The following DPP10 variants were observed in gnomAD, a reference collection of about 807,000 sequenced individuals.
The protein encoded by DPP10 is inactive dipeptidyl peptidase 10.
A neutral mutation model predicts 120.9 loss-of-function variants in DPP10; 33 were observed. That is an observed-to-expected ratio of 0.27 (90% CI 0.21 to 0.37). The LOEUF (loss-of-function observed/expected upper bound fraction) is 0.37, where lower values mean the gene tolerates loss of function less well. Ranked by LOEUF, DPP10 falls within the 10% of genes least tolerant of loss-of-function variation. DPP10 has a pLI of 1.00. For synonymous variants in DPP10, 337 were observed against 326.1 expected, an observed-to-expected ratio of 1.03 and a Z score of -0.36; for missense variants, 816 against 942.8, an observed-to-expected ratio of 0.87 and a Z score of 1.76.
chr2:115,119,768 G>A (rs1236545274), intron 1 of DPP10, among the ~76,000 whole-genome samples: 1 of 152,140 alleles, frequency 6.6e-6, no homozygotes, highest in East Asian at 1.9e-4. Flanking sequence ...ATCCCTCATT[G>A]AGGATTATTT....
intron 3 of DPP10, among the ~76,000 whole-genome samples, chr2:115,464,116 G>T (rs150580445): frequency 6.6e-6 from 1 of 151,944 alleles, no homozygotes; most frequent in South Asian, 2.1e-4. Context: ...CCACTTTGCC[G>T]GTCCAACTCT....
chr2:115,682,307 TG>T (rs2090715674), intron 5 of DPP10, among the ~76,000 whole-genome samples: 1 of 151,932 alleles, frequency 6.6e-6, no homozygotes, highest in Non-Finnish European at 1.5e-5. Context: ...TGTTAATTAA[TG>T]AGGAGAGGTC....
chr2:115,144,670 T>C (rs1343016755), intron 1 of DPP10, among the ~76,000 whole-genome samples: 1 of 61,466 alleles, frequency 1.6e-5, no homozygotes, highest in Non-Finnish European at 2.9e-5. Context: ...TGTTGTGGGG[T>C]GGGGGGCGGG....
intron 15 of DPP10, 42 bp downstream of exon 15, chr2:115,777,876 C>G: frequency 1.3e-6 from 2 of 1,587,946 alleles, no homozygotes; most frequent in Non-Finnish European, 1.7e-6. Flanking sequence ...ATTGGCTTCT[C>G]AATGGCTATC....
intron 5 of DPP10, among the ~76,000 whole-genome samples, chr2:115,602,455 G>A (rs1264053397): frequency 2.0e-5 from 3 of 151,988 alleles, no homozygotes; most frequent in South Asian, 2.1e-4. Flanking sequence ...CGTTACTTCT[G>A]TGTCCTATAA....
At chr2:114,971,976 G>A (rs962442735) in intron 1 of DPP10, among the ~76,000 whole-genome samples, 3 of 152,148 alleles carry the variant, frequency 2.0e-5, no homozygotes, top group Non-Finnish European at 2.9e-5. Flanking sequence ...GATTCAGTGT[G>A]TCATCCTTTA....
intron 1 of DPP10, among the ~76,000 whole-genome samples, chr2:115,159,042 A>G (rs2052106012): frequency 6.6e-6 from 1 of 152,102 alleles, no homozygotes; most frequent in African/African-American, 2.4e-5. Context: ...AAACATATAC[A>G]AATAATTTTT....
chr2:115,339,267 C>T (rs989370706), intron 2 of DPP10, among the ~76,000 whole-genome samples: 1 of 151,924 alleles, frequency 6.6e-6, no homozygotes, highest in African/African-American at 2.4e-5. Flanking sequence ...GGGGATATCA[C>T]TACACGTATA....
At chr2:115,651,977 G>C (rs1192815930) in intron 5 of DPP10, among the ~76,000 whole-genome samples, 1 of 152,036 alleles carries the variant, frequency 6.6e-6, no homozygotes, top group African/African-American at 2.4e-5. Context: ...TGTAGGTTAA[G>C]AGGATGCCTT....
chr2:114,621,838 A>G (rs578247799), intron 1 of DPP10, among the ~76,000 whole-genome samples: 2 of 151,570 alleles, frequency 1.3e-5, no homozygotes, highest in South Asian at 2.1e-4. Context: ...GTGTAATTCA[A>G]TACCCTCAAA....
intron 1 of DPP10, among the ~76,000 whole-genome samples, chr2:114,679,461 C>A (rs1355874321): frequency 1.3e-5 from 2 of 151,944 alleles, no homozygotes; most frequent in African/African-American, 4.8e-5. Flanking sequence ...TTAGAGGACT[C>A]TTAGGCTAGA....
chr2:115,598,233 G>A (rs967419936), intron 5 of DPP10, among the ~76,000 whole-genome samples: 1 of 151,402 alleles, frequency 6.6e-6, no homozygotes, highest in East Asian at 1.9e-4. Context: ...TAACTTGAGT[G>A]CTTAGCCCAT....
At chr2:115,802,046 G>A (rs1231285744) in intron 19 of DPP10, among the ~76,000 whole-genome samples, 3 of 152,136 alleles carry the variant, frequency 2.0e-5, no homozygotes, top group East Asian at 1.9e-4. Flanking sequence ...GAATTCGGCT[G>A]TGAATCCATC....
At chr2:115,490,318 C>T (rs928831539) in intron 3 of DPP10, among the ~76,000 whole-genome samples, 2 of 152,086 alleles carry the variant, frequency 1.3e-5, no homozygotes, top group South Asian at 2.1e-4. Context: ...AGGGGAAATG[C>T]CAGATGTTTG....
At chr2:115,519,890 A>T (rs2077703904) in intron 4 of DPP10, among the ~76,000 whole-genome samples, 1 of 152,232 alleles carries the variant, frequency 6.6e-6, no homozygotes, top group South Asian at 2.1e-4. Flanking sequence ...CATTTTCATA[A>T]TATATACTTA....
At chr2:115,259,613 C>T (rs114515296) in intron 1 of DPP10, among the ~76,000 whole-genome samples, 1,692 of 152,094 alleles carry the variant, frequency 0.011, 30 homozygotes, top group African/African-American at 0.039. Context: ...TGGCCAAGAA[C>T]ATAATTACAT....
At chr2:114,638,224 T>C (rs928226327) in intron 1 of DPP10, among the ~76,000 whole-genome samples, 5 of 151,858 alleles carry the variant, frequency 3.3e-5, no homozygotes, top group African/African-American at 1.2e-4. Context: ...CTTAGGTATG[T>C]CCATTTTTTT....
chr2:115,088,759 A>AAAAAAAAAAAAAAAAAC (rs1553485540), intron 1 of DPP10, among the ~76,000 whole-genome samples: 17 of 149,816 alleles, frequency 1.1e-4, no homozygotes, highest in Non-Finnish European at 1.9e-4. Flanking sequence ...ACAAAAAAAA[A>AAAAAAAAAAAAAAAAAC]AAAAAAAAAA....
chr2:115,553,280 T>A (rs373356162), intron 5 of DPP10, among the ~76,000 whole-genome samples: 31 of 152,196 alleles, frequency 2.0e-4, no homozygotes, highest in African/African-American at 7.5e-4. Flanking sequence ...TTACCATAAA[T>A]CTTTATATTC....
Sources: gnomAD v4.1 joint callset for allele counts (sites outside exome capture counted in the v4.1 genomes callset) on GRCh38, gnomAD v4.1.1 for gene constraint, MANE v1.5 for transcripts, NCBI Gene and HGNC (gene_info 2026-07-23, HGNC 2026-07-21) for gene names.